The following GPHN variants were observed in gnomAD, a reference collection of about 807,000 sequenced individuals.
GPHN encodes gephyrin.
GPHN carries 17 observed loss-of-function variants against 95.5 expected under a neutral mutation model. The observed-to-expected ratio is 0.18, with a 90% confidence interval of 0.12 to 0.27. GPHN has a LOEUF of 0.27. GPHN is among the 10% of genes least tolerant of loss of function. GPHN has a pLI of 1.00. For missense variants in GPHN, 660 were observed against 978.1 expected (o/e 0.67, Z 4.34); for synonymous variants, 320 against 322.5 (o/e 0.99, Z 0.08).
chr14:66,660,720 T>C (rs1042563527), intron 1 of GPHN, among the ~76,000 whole-genome samples: 5 of 152,148 alleles, frequency 3.3e-5, no homozygotes, highest in Non-Finnish European at 7.4e-5. Flanking sequence ...GCAGCACCTT[T>C]AACTGAAACA....
Position 66,561,344 on chromosome 14 carries a change from G to A in GPHN, c.64+52753G>A, listed in dbSNP as rs147632383. 7.2e-3 allele frequency among the ~76,000 whole-genome samples: 1,098 copies of A among 152,254 alleles called. 2 individuals carry two copies. Among genetic ancestry groups the A allele is most frequent in the Non-Finnish European group, 0.013 (863 of 68,020 alleles). On this transcript the variant is annotated intron_variant, in intron 1 of 22. Transcript: ENST00000478722. ...CCAGTTCCTCCTTGTACCTCTGGTA[G>A]AATTCGGCTGAATCCATCTGGTCCT...
intron 3 of GPHN, among the ~76,000 whole-genome samples, chr14:66,787,777 A>G (rs1368999001): frequency 6.6e-6 from 1 of 152,002 alleles, no homozygotes; most frequent in Admixed American, 6.6e-5. Flanking sequence ...ACAGGCAAAA[A>G]AAAAAAGAAT....
chr14:67,630,780 A>G, the GPHN span, among the ~76,000 whole-genome samples: 1 of 151,994 alleles, frequency 6.6e-6, no homozygotes, highest in African/African-American at 2.4e-5. Flanking sequence ...GAGTTTCACC[A>G]TCTTGGCCAG....
At chr14:67,635,517 G>A in the GPHN span, among the ~76,000 whole-genome samples, 1 of 152,148 alleles carries the variant, frequency 6.6e-6, no homozygotes, top group East Asian at 1.9e-4. Context: ...AGTATTTCAA[G>A]TACAAGCTTG....
the GPHN span, chr14:67,646,594 G>C: frequency 2.1e-6 from 3 of 1,434,524 alleles, no homozygotes; most frequent in Non-Finnish European, 2.9e-6. Flanking sequence ...TAATGATCTT[G>C]GTGAGAACAA....
At chr14:66,873,117 C>T (rs1234980821) in intron 4 of GPHN, among the ~76,000 whole-genome samples, 1 of 152,126 alleles carries the variant, frequency 6.6e-6, no homozygotes, top group Non-Finnish European at 1.5e-5. Flanking sequence ...GTGGGTGCAG[C>T]CCATGGAGGG....
chr14:66,964,188 A>G (rs754061812), intron 8 of GPHN, among the ~76,000 whole-genome samples: 6 of 152,102 alleles, frequency 3.9e-5, no homozygotes, highest in Non-Finnish European at 7.4e-5. Context: ...AATAATGATA[A>G]TTACATTAGT....
intron 18 of GPHN, among the ~76,000 whole-genome samples, chr14:67,144,250 A>AAAAAAATATATAT (rs1168342196): frequency 1.7e-5 from 1 of 57,772 alleles, no homozygotes; most frequent in Non-Finnish European, 2.9e-5. Context: ...AAAAAAAAAA[A>AAAAAAATATATAT]ATATATATAT....
the GPHN span, among the ~76,000 whole-genome samples, chr14:67,625,484 G>C: frequency 6.6e-6 from 1 of 151,828 alleles, no homozygotes; most frequent in Admixed American, 6.6e-5. Context: ...TTCGAGACCA[G>C]CCTCAACATG....
At chr14:66,588,222 A>G (rs1378610235) in intron 1 of GPHN, among the ~76,000 whole-genome samples, 1 of 152,074 alleles carries the variant, frequency 6.6e-6, no homozygotes, top group Non-Finnish European at 1.5e-5. Flanking sequence ...CCACCAAGAG[A>G]CCCCATCCTA....
chr14:66,510,739 A>T (rs980004212), intron 1 of GPHN, among the ~76,000 whole-genome samples: 1 of 152,176 alleles, frequency 6.6e-6, no homozygotes, highest in Non-Finnish European at 1.5e-5. Flanking sequence ...ATAAATAAAT[A>T]TATAGTTGAT....
chr14:67,570,259 C>T, the GPHN span: 10 of 869,684 alleles, frequency 1.1e-5, no homozygotes, highest in Non-Finnish European at 1.2e-5. Context: ...GCCCGCTTTA[C>T]AGCTCTCCCC....
chr14:66,981,148 C>A (rs535831270), intron 9 of GPHN, among the ~76,000 whole-genome samples: 1 of 152,206 alleles, frequency 6.6e-6, no homozygotes, highest in Non-Finnish European at 1.5e-5. Context: ...TCACTTCTTA[C>A]TCTTTGCAAC....
At chr14:66,714,912 C>A (rs774100898) in intron 2 of GPHN, among the ~76,000 whole-genome samples, 4 of 152,044 alleles carry the variant, frequency 2.6e-5, no homozygotes, top group Non-Finnish European at 5.9e-5. Context: ...CATCGATGTT[C>A]TTCAGGGATA....
the GPHN span, among the ~76,000 whole-genome samples, chr14:67,206,107 C>G: frequency 6.6e-6 from 1 of 152,074 alleles, no homozygotes; most frequent in African/African-American, 2.4e-5. Flanking sequence ...TTACTTGACC[C>G]TTGGAGGCAG....
At chr14:67,640,909 TC>T in the GPHN span, among the ~76,000 whole-genome samples, 17 of 152,264 alleles carry the variant, frequency 1.1e-4, no homozygotes, top group South Asian at 8.3e-4. Context: ...AAATCCAAAA[TC>T]GGAAATGTTC....
intron 4 of GPHN, among the ~76,000 whole-genome samples, chr14:66,839,859 T>C (rs1389351974): frequency 6.6e-6 from 1 of 152,208 alleles, no homozygotes. Context: ...ATTTTGCCAT[T>C]TTCAAGACTT....
the GPHN span, chr14:67,555,954 C>A: frequency 6.3e-7 from 1 of 1,581,014 alleles, no homozygotes; most frequent in South Asian, 1.2e-5. Flanking sequence ...AGGCCCTTCC[C>A]ACGGACACAG....
chr14:66,905,984 A>G (rs1029494287), intron 5 of GPHN, among the ~76,000 whole-genome samples: 1 of 142,962 alleles, frequency 7.0e-6, no homozygotes, highest in Non-Finnish European at 1.5e-5. Flanking sequence ...GATATATTTG[A>G]TTCGAGGCTT....
Sources: allele counts gnomAD v4.1 joint callset (sites outside exome capture counted in the v4.1 genomes callset), GRCh38; gene constraint gnomAD v4.1.1; transcripts MANE v1.5; gene names NCBI Gene and HGNC (gene_info 2026-07-23, HGNC 2026-07-21).